The following PLXDC2 variants were observed in gnomAD, a reference collection of about 807,000 sequenced individuals.
The protein encoded by PLXDC2 is plexin domain containing 2.
A neutral mutation model predicts 68.9 loss-of-function variants in PLXDC2; 40 were observed. That is an observed-to-expected ratio of 0.58 (90% CI 0.45 to 0.76). PLXDC2 has a LOEUF of 0.76. Among genes scored for constraint, PLXDC2 ranks in the 30% least tolerant of loss-of-function variants. The pLI is 0.00. For missense variants in PLXDC2, 644 were observed against 661.9 expected, an observed-to-expected ratio of 0.97 and a Z score of 0.30; for synonymous variants, 243 against 234.2, an observed-to-expected ratio of 1.04 and a Z score of -0.34.
In PLXDC2 at chr10:20,217,596, CTTTTTT is replaced by C. The variant is rs66483508; in HGVS notation, c.1273+43_1273+48del. 7,533 of 780,666 alleles carry C rather than the reference CTTTTTT, an allele frequency of 9.6e-3. No individual in the cohort carries two copies. Among genetic ancestry groups the C allele is most frequent in the South Asian group, 0.013 (403 of 31,362 alleles). The allele number at this position is 780,666 out of a possible 1,614,324, so 48.4% of individuals were successfully genotyped here. On this transcript the variant is annotated intron_variant, in intron 11 of 13. Transcript: ENST00000377252. ...CAGAAGGTACCCAAGAGATAGTTTG[CTTTTTT>C]TTTTTTTTTTTTTTTTTTTTTTCCC...
At chr10:20,146,475 CT>C (rs1834080818) in intron 5 of PLXDC2, among the ~76,000 whole-genome samples, 1 of 116,724 alleles carries the variant, frequency 8.6e-6, no homozygotes. Context: ...TCCTTTCTTT[CT>C]TTTCTTTTCT....
intron 4 of PLXDC2, among the ~76,000 whole-genome samples, chr10:20,123,624 A>G (rs577015029): frequency 1.3e-5 from 2 of 151,622 alleles, no homozygotes; most frequent in South Asian, 4.2e-4. Context: ...GGAGGAATGG[A>G]GGGTGGAAGG....
intron 2 of PLXDC2, among the ~76,000 whole-genome samples, chr10:20,034,378 C>G (rs11011753): frequency 0.084 from 12,763 of 152,126 alleles, 1,122 homozygotes; most frequent in African/African-American, 0.22. Context: ...ATTCTCTATG[C>G]TGGCATAATA....
At chr10:20,264,692 C>A (rs1835848563) in intron 13 of PLXDC2, among the ~76,000 whole-genome samples, 1 of 151,034 alleles carries the variant, frequency 6.6e-6, no homozygotes, top group Non-Finnish European at 1.5e-5. Context: ...TAATGTATTA[C>A]AAGAAATAAA....
intron 1 of PLXDC2, among the ~76,000 whole-genome samples, chr10:19,851,075 A>G (rs887547631): frequency 6.6e-6 from 1 of 152,260 alleles, no homozygotes; most frequent in East Asian, 1.9e-4. Flanking sequence ...TATAAAAACA[A>G]AGTATTTTAT....
At chr10:19,849,083 G>A (rs1837066780) in intron 1 of PLXDC2, among the ~76,000 whole-genome samples, 1 of 151,822 alleles carries the variant, frequency 6.6e-6, no homozygotes, top group African/African-American at 2.4e-5. Flanking sequence ...TTTAATCATA[G>A]GGATTTGTGG....
chr10:20,179,995 T>A (rs756065512), intron 9 of PLXDC2, among the ~76,000 whole-genome samples: 1 of 152,090 alleles, frequency 6.6e-6, no homozygotes, highest in Non-Finnish European at 1.5e-5. Flanking sequence ...CAAGATAATT[T>A]TCATTGCTTT....
intron 9 of PLXDC2, among the ~76,000 whole-genome samples, chr10:20,209,403 G>A (rs556436085): frequency 1.3e-5 from 2 of 152,072 alleles, no homozygotes; most frequent in Admixed American, 1.3e-4. Flanking sequence ...GGGGAAGAGG[G>A]GAGGGATAGC....
At chr10:19,996,840 G>A (rs903312770) in intron 1 of PLXDC2, among the ~76,000 whole-genome samples, 2 of 152,094 alleles carry the variant, frequency 1.3e-5, no homozygotes, top group African/African-American at 2.4e-5. Flanking sequence ...AGAGAGAGAG[G>A]TTGTGCAGGG....
At chr10:20,134,795 T>G (rs1833913791) in intron 4 of PLXDC2, among the ~76,000 whole-genome samples, 1 of 152,010 alleles carries the variant, frequency 6.6e-6, no homozygotes, top group South Asian at 2.1e-4. Flanking sequence ...GGCCTGGTTT[T>G]GGGGTGGGCC....
intron 9 of PLXDC2, among the ~76,000 whole-genome samples, chr10:20,195,667 A>T (rs1018737615): frequency 6.6e-6 from 1 of 152,162 alleles, no homozygotes; most frequent in East Asian, 1.9e-4. Context: ...GTTTATTTGT[A>T]GTAAACTAAT....
At chr10:20,213,952 C>T (rs1835102903) in intron 10 of PLXDC2, among the ~76,000 whole-genome samples, 1 of 152,028 alleles carries the variant, frequency 6.6e-6, no homozygotes, top group Admixed American at 6.6e-5. Context: ...TTCCTTATTA[C>T]TCTGTGCTGT....
chr10:20,223,614 AG>A lies in PLXDC2; in HGVS notation c.1312+4513del, dbSNP rs1835247764. Among the ~76,000 whole-genome samples, 3 of 152,074 alleles carry A rather than the reference AG, an allele frequency of 2.0e-5. No homozygotes were observed. In the South Asian group the frequency reaches 6.2e-4, roughly 32 times the overall value. On this transcript the variant is annotated intron_variant, in intron 12 of 13. Coordinates refer to ENST00000377252, the MANE Select transcript of PLXDC2 (RefSeq NM_032812.9). ...GGGTGTAAGCCATCCTGCCCAGCCT[AG>A]ATCTCTTACAATCAACCTTCCCATG...
intron 1 of PLXDC2, among the ~76,000 whole-genome samples, chr10:19,849,822 T>G (rs1276056208): frequency 6.6e-6 from 1 of 152,076 alleles, no homozygotes; most frequent in Non-Finnish European, 1.5e-5. Flanking sequence ...TATTTTGAAG[T>G]TAAAGGACTA....
chr10:20,006,399 G>A (rs1746595762), intron 2 of PLXDC2, among the ~76,000 whole-genome samples: 1 of 152,040 alleles, frequency 6.6e-6, no homozygotes, highest in Non-Finnish European at 1.5e-5. Flanking sequence ...TTTTCCTTTA[G>A]ACGCTTTCAA....
At chr10:19,982,389 C>T (rs1280792081) in intron 1 of PLXDC2, among the ~76,000 whole-genome samples, 3 of 152,184 alleles carry the variant, frequency 2.0e-5, no homozygotes, top group African/African-American at 7.2e-5. Context: ...CTCCGTCAAA[C>T]ACCTTCACAG....
At chr10:20,231,769 G>A (rs1343911801) in intron 12 of PLXDC2, among the ~76,000 whole-genome samples, 4 of 152,030 alleles carry the variant, frequency 2.6e-5, no homozygotes, top group East Asian at 3.9e-4. Flanking sequence ...TAATCCTAGC[G>A]CTTTGGGAGA....
chr10:20,138,940 A>G (rs1833967199), intron 4 of PLXDC2, among the ~76,000 whole-genome samples: 1 of 152,112 alleles, frequency 6.6e-6, no homozygotes, highest in Non-Finnish European at 1.5e-5. Context: ...AAGGAATATA[A>G]TATAATTAGT....
At chr10:19,853,675 G>A (rs1206926492) in intron 1 of PLXDC2, among the ~76,000 whole-genome samples, 4 of 151,350 alleles carry the variant, frequency 2.6e-5, no homozygotes, top group Non-Finnish European at 4.4e-5. Flanking sequence ...GCAATTTCTC[G>A]AAAACTAGAG....
Sources: allele counts gnomAD v4.1 joint callset (sites outside exome capture counted in the v4.1 genomes callset), GRCh38; gene constraint gnomAD v4.1.1; transcripts MANE v1.5; gene names NCBI Gene and HGNC (gene_info 2026-07-23, HGNC 2026-07-21).